DOCK8: variants seen among roughly 807,000 people sequenced by gnomAD.
DOCK8 encodes the protein dedicator of cytokinesis protein 8.
A neutral mutation model predicts 245.6 loss-of-function variants in DOCK8; 141 were observed. The observed-to-expected ratio is 0.57, with a 90% CI of 0.50 to 0.66. DOCK8 has a LOEUF of 0.66. DOCK8 is among the 30% of genes least tolerant of loss of function. The pLI is 0.00. For synonymous variants in DOCK8, 1,168 were observed against 970.2 expected (o/e 1.20, Z -3.79); for missense variants, 2,965 against 2,603.4 (o/e 1.14, Z -3.02).
chr9:420,154 G>A (rs1364870598), intron 30 of DOCK8: 5 of 559,206 alleles, frequency 8.9e-6, no homozygotes, highest in African/African-American at 5.7e-5. Context: ...ATACGTGGCT[G>A]AAAGCCTAGC....
At chr9:343,223 G>A (rs2130948475) in intron 14 of DOCK8, among the ~76,000 whole-genome samples, 1 of 152,314 alleles carries the variant, frequency 6.6e-6, no homozygotes, top group East Asian at 1.9e-4. Flanking sequence ...GAGGTGGCCA[G>A]ACACAGTGGC....
chr9:325,354 C>A (rs1249953540), intron 7 of DOCK8, among the ~76,000 whole-genome samples: 2 of 152,110 alleles, frequency 1.3e-5, no homozygotes, highest in African/African-American at 2.4e-5. Flanking sequence ...ACAGTAGTTA[C>A]AATAAGAAGG....
intron 14 of DOCK8, among the ~76,000 whole-genome samples, chr9:357,567 T>G (rs1443635914): frequency 1.3e-5 from 2 of 150,602 alleles, no homozygotes; most frequent in South Asian, 2.1e-4. Context: ...TATTGTAGAG[T>G]TTTTAAACAA....
intron 18 of DOCK8, 28 bp from the exon 19 acceptor site, chr9:376,182 T>C: frequency 1.3e-6 from 2 of 1,513,784 alleles, no homozygotes; most frequent in Non-Finnish European, 1.8e-6. Flanking sequence ...ATTGGATTGC[T>C]AATCTTTTTT....
intron 26 of DOCK8, among the ~76,000 whole-genome samples, chr9:401,394 G>C (rs2131496160): frequency 6.6e-6 from 1 of 152,238 alleles, no homozygotes; most frequent in Admixed American, 6.5e-5. Context: ...ACTCCCAGGG[G>C]AGAGGAGGAT....
chr9:315,244 C>T (rs1351230516), intron 6 of DOCK8, among the ~76,000 whole-genome samples: 1 of 152,196 alleles, frequency 6.6e-6, no homozygotes, highest in African/African-American at 2.4e-5. Context: ...TTATCTCTTT[C>T]ATTCCGTTCA....
At chr9:397,344 C>CT (rs2054511042) in intron 25 of DOCK8, among the ~76,000 whole-genome samples, 1 of 115,904 alleles carries the variant, frequency 8.6e-6, no homozygotes, top group African/African-American at 3.2e-5. Context: ...GAGTGAGACT[C>CT]TGTCTCAAAA....
chr9:218,558 G>A (rs899329805), intron 1 of DOCK8, among the ~76,000 whole-genome samples: 4 of 152,138 alleles, frequency 2.6e-5, no homozygotes, highest in Admixed American at 1.3e-4. Flanking sequence ...GTCATAACAT[G>A]GTACTTGTGG....
At chr9:334,958 C>CT (rs1054252556) in intron 11 of DOCK8, among the ~76,000 whole-genome samples, 2 of 152,048 alleles carry the variant, frequency 1.3e-5, no homozygotes, top group African/African-American at 4.8e-5. Context: ...TGGTACACGT[C>CT]TGTAATCTCA....
chr9:375,367 G>A (rs965888744), intron 18 of DOCK8, among the ~76,000 whole-genome samples: 16 of 152,274 alleles, frequency 1.1e-4, no homozygotes, highest in Admixed American at 2.6e-4. Context: ...ATATATAAAC[G>A]TATAAAAGAG....
intron 23 of DOCK8, among the ~76,000 whole-genome samples, chr9:387,631 G>A (rs574155355): frequency 2.0e-5 from 3 of 152,276 alleles, no homozygotes; most frequent in African/African-American, 7.2e-5. Context: ...GCCTGGTGCT[G>A]TGCACTTTGC....
In DOCK8 at chr9:399,255, G is replaced by A. The variant is rs34627722; in HGVS notation, c.3230G>A (p.Ser1077Asn). ...TTTAACCTCATCAGACATTATTGCA[G>A]CCAGGTGAGTGTCCCCCCCACCCCC... Reference protein sequence around the residue: ...FVFNLIRHYCSQLSAKLSNLP... With the variant: ...FVFNLIRHYCNQLSAKLSNLP... The change falls in exon 26 of 48, where the codon AGC (serine) becomes AAC (asparagine). Residue 1077 changes from serine (S) to asparagine (N), a missense_variant. Coordinates refer to ENST00000432829, the MANE Select transcript of DOCK8 (RefSeq NM_203447.4). 0.037 allele frequency: 58,879 copies of A among 1,610,006 alleles called. 1,682 individuals carry two copies. Among genetic ancestry groups the A allele is most frequent in the African/African-American group, 0.11 (8,018 of 74,284 alleles).
chr9:214,851 T>G (rs1274691615), upstream of DOCK8: 21 of 1,602,016 alleles, frequency 1.3e-5, no homozygotes, highest in Non-Finnish European at 1.7e-5. Context: ...ATGCGGAAGT[T>G]TCCAGCGCCG....
At position 432,317 on chromosome 9, in the gene DOCK8, C is replaced by T. The variant is rs867380556; in HGVS notation, c.4778C>T (p.Pro1593Leu). 2.5e-6 allele frequency: 4 copies of T among 1,613,950 alleles called. No homozygotes were observed. Among genetic ancestry groups the T allele is most frequent in the East Asian group, 2.2e-5 (1 of 44,870 alleles). ...ACAGCCATGCAGATGACTCCTTTTC[C>T]CACCCAGGTACACCGAAGCACATAC... is the stretch of plus-strand genomic sequence containing the variant. Reference protein sequence around the residue: ...EDTAMQMTPFPTQVEELLCNL... With the variant: ...EDTAMQMTPFLTQVEELLCNL... Residue 1593 changes from proline to leucine, a missense_variant, in exon 37 of 48, where the codon CCC becomes CTC. This residue lies in a region of DOCK8 where 2,825 missense variants were observed against 2,453.5 expected (regional missense o/e 1.15). Transcript: ENST00000432829.
At chr9:268,763 C>T (rs62533369) in intron 1 of DOCK8, among the ~76,000 whole-genome samples, 7,213 of 152,284 alleles carry the variant, frequency 0.047, 226 homozygotes, top group South Asian at 0.071. Context: ...TGTGTTGGCC[C>T]TCCATGGCTT....
chr9:396,212 T>C (rs1037831836), intron 24 of DOCK8, among the ~76,000 whole-genome samples: 2 of 152,188 alleles, frequency 1.3e-5, no homozygotes, highest in African/African-American at 4.8e-5. Flanking sequence ...CTGCTCAATA[T>C]ATAATATAGC....
intron 1 of DOCK8, among the ~76,000 whole-genome samples, chr9:262,021 A>AAGAG (rs898325333): frequency 6.7e-5 from 10 of 150,300 alleles, no homozygotes; most frequent in African/African-American, 2.2e-4. Flanking sequence ...GAAAGAAAGA[A>AAGAG]AGAAAGAAAG....
In DOCK8 at chr9:382,629, C is replaced by T. The variant is rs1393061820; in HGVS notation, c.2722C>T (p.Leu908Phe). 6.2e-7 allele frequency: 1 copy of T among 1,614,164 alleles called. No individual in the cohort carries two copies. The highest frequency in any genetic ancestry group is 8.5e-7 in the Non-Finnish European group (1 of 1,180,032). Reference sequence around the variant, plus strand: ...GGTGATGAGCAGCAGTAACCCAGACCTCGCGGGGACACACTCCGCAGCAGA... The same window carrying T: ...GGTGATGAGCAGCAGTAACCCAGACTTCGCGGGGACACACTCCGCAGCAGA... ...ARVMSSSNPDLAGTHSAADEE... is the reference protein window; with the variant it reads ...ARVMSSSNPDFAGTHSAADEE... The change falls in exon 22 of 48, where the codon CTC becomes TTC. Residue 908 changes from leucine to phenylalanine, a missense_variant. By Grantham distance (22) the Leu-to-Phe change is conservative. This residue lies in a region of DOCK8 where 2,825 missense variants were observed against 2,453.5 expected (regional missense o/e 1.15). Transcript: ENST00000432829.
intron 23 of DOCK8, among the ~76,000 whole-genome samples, chr9:388,854 C>T (rs2054067228): frequency 6.6e-6 from 1 of 152,120 alleles, no homozygotes; most frequent in Non-Finnish European, 1.5e-5. Context: ...ACACCTAGCC[C>T]TCTGTGGATA....
Sources: allele counts gnomAD v4.1 joint callset (sites outside exome capture counted in the v4.1 genomes callset), GRCh38; gene constraint gnomAD v4.1.1; regional missense constraint gnomAD v4.1.1; transcripts MANE v1.5; gene names NCBI Gene and HGNC (gene_info 2026-07-23, HGNC 2026-07-21).